Variants in DOCK10 observed in about 807,000 individuals in gnomAD.
The protein encoded by DOCK10 is dedicator of cytokinesis protein 10.
Under a neutral mutation model 280.1 loss-of-function variants are expected in DOCK10, and 145 were observed. That is an observed-to-expected ratio of 0.52 (90% CI 0.45 to 0.59). The LOEUF (loss-of-function observed/expected upper bound fraction) is 0.59. Among genes scored for constraint, DOCK10 ranks in the 20% least tolerant of loss-of-function variants. The probability of loss-of-function intolerance (pLI) is 0.00; values close to 1 mark genes in which losing one functional copy is unlikely to be tolerated. For missense variants in DOCK10, 2,368 were observed against 2,651.7 expected, an observed-to-expected ratio of 0.89 and a Z score of 2.35; for synonymous variants, 915 against 942.2, an observed-to-expected ratio of 0.97 and a Z score of 0.53.
intron 1 of DOCK10, among the ~76,000 whole-genome samples, chr2:224,948,921 T>C (rs1703576480): frequency 1.3e-5 from 2 of 152,232 alleles, no homozygotes; most frequent in Admixed American, 6.5e-5. Flanking sequence ...TCTATTCCTC[T>C]TTAGGCACCA....
At chr2:224,945,455 G>A (rs1385042427) in intron 1 of DOCK10, among the ~76,000 whole-genome samples, 1 of 152,060 alleles carries the variant, frequency 6.6e-6, no homozygotes. Context: ...GTGAACAAGG[G>A]TAGGGGCTCA....
chr2:224,848,964 T>A (rs112069816), intron 19 of DOCK10, among the ~76,000 whole-genome samples: 67 of 152,330 alleles, frequency 4.4e-4, no homozygotes, highest in African/African-American at 1.5e-3. Flanking sequence ...ATCTTTTTTT[T>A]AAATTTAAAT....
chr2:224,780,426 A>C (rs1355193692), intron 50 of DOCK10, among the ~76,000 whole-genome samples: 1 of 152,232 alleles, frequency 6.6e-6, no homozygotes, highest in Non-Finnish European at 1.5e-5. Flanking sequence ...GCTAAAGCTG[A>C]AGCAACATTT....
intron 1 of DOCK10, among the ~76,000 whole-genome samples, chr2:225,035,542 T>TTTTATA (rs1553634838): frequency 2.0e-5 from 1 of 50,016 alleles, no homozygotes; most frequent in African/African-American, 7.5e-5. Context: ...ATGATATATA[T>TTTTATA]TATATATATA....
chr2:224,773,297 A>C lies in DOCK10; in HGVS notation c.6064T>G (p.Ser2022Ala), dbSNP rs568770212. Residue 2022 changes from serine (S) to alanine (A), a missense_variant, in exon 53 of 56, where the codon TCG (serine) becomes GCG (alanine). Around this residue, in one of 2 missense-constraint regions of DOCK10, gnomAD observed 1,159 missense variants for 1,400.8 expected, o/e 0.83. Coordinates refer to ENST00000258390, the MANE Select transcript of DOCK10 (RefSeq NM_014689.3). ...VKKRIQVISQSSTELNPIEVA... is the reference protein window; with the variant it reads ...VKKRIQVISQASTELNPIEVA... ...TCAATTGGATTCAGTTCTGTGCTCG[A>C]TTGGCTAATTACTTGTATTCTCTTC... 3 of 1,613,832 alleles carry C rather than the reference A, an allele frequency of 1.9e-6. No individual in the cohort carries two copies. In the African/African-American group the frequency reaches 4.0e-5, roughly 22 times the overall value.
At chr2:224,782,908 T>C (rs1019839475) in intron 50 of DOCK10, among the ~76,000 whole-genome samples, 2 of 152,234 alleles carry the variant, frequency 1.3e-5, no homozygotes, top group Non-Finnish European at 2.9e-5. Flanking sequence ...TTTCTGACCA[T>C]GGAGATTATG....
At chr2:224,844,207 C>T (rs781217218) in intron 22 of DOCK10, among the ~76,000 whole-genome samples, 8 of 152,128 alleles carry the variant, frequency 5.3e-5, no homozygotes, top group South Asian at 2.1e-4. Context: ...CTCAGCTCAA[C>T]GCAACCTCTG....
At chr2:225,026,952 T>C (rs188077040) in intron 1 of DOCK10, among the ~76,000 whole-genome samples, 36 of 152,316 alleles carry the variant, frequency 2.4e-4, no homozygotes, top group African/African-American at 7.9e-4. Flanking sequence ...TTGAATCAAA[T>C]GCCTGTGTTA....
intron 15 of DOCK10, 22 bp downstream of exon 15, chr2:224,856,838 C>T (rs542019243): frequency 1.5e-5 from 24 of 1,579,460 alleles, no homozygotes; most frequent in Middle Eastern, 1.7e-4. Flanking sequence ...ATGTTAATTT[C>T]GAGAGTATAA....
At chr2:224,820,958 T>A (rs1405589968) in intron 28 of DOCK10, among the ~76,000 whole-genome samples, 1 of 152,206 alleles carries the variant, frequency 6.6e-6, no homozygotes, top group Non-Finnish European at 1.5e-5. Context: ...GCTACCATCT[T>A]GGTATTGTGC....
At chr2:224,876,595 A>T (rs1253840346) in intron 7 of DOCK10, among the ~76,000 whole-genome samples, 2 of 152,144 alleles carry the variant, frequency 1.3e-5, no homozygotes, top group African/African-American at 4.8e-5. Flanking sequence ...ACCCTATCGC[A>T]TCCCAGAGGC....
intron 1 of DOCK10, among the ~76,000 whole-genome samples, chr2:225,009,094 A>T (rs893305766): frequency 6.6e-6 from 1 of 152,202 alleles, no homozygotes; most frequent in Non-Finnish European, 1.5e-5. Flanking sequence ...CAACATTGGA[A>T]AGACCACATC....
At chr2:224,888,318 C>A (rs546781873) in intron 4 of DOCK10, among the ~76,000 whole-genome samples, 1 of 144,040 alleles carries the variant, frequency 6.9e-6, no homozygotes, top group Non-Finnish European at 1.5e-5. Flanking sequence ...TATGTGTGTG[C>A]GTGTGCGTGT....
At chr2:224,994,683 T>C (rs542315905) in intron 1 of DOCK10, among the ~76,000 whole-genome samples, 13 of 152,356 alleles carry the variant, frequency 8.5e-5, no homozygotes, top group Non-Finnish European at 1.3e-4. Context: ...AGACAAGATC[T>C]TCCTCTGACT....
chr2:225,039,039 C>T (rs1690340633), intron 1 of DOCK10, among the ~76,000 whole-genome samples: 1 of 152,064 alleles, frequency 6.6e-6, no homozygotes. Context: ...GTGCACAAAT[C>T]CTAAATGTAT....
chr2:224,997,316 C>A (rs991044926), intron 1 of DOCK10, among the ~76,000 whole-genome samples: 25 of 151,734 alleles, frequency 1.6e-4, no homozygotes, highest in Non-Finnish European at 2.9e-5. Context: ...ACTGCATCCT[C>A]TGCCTCCCGG....
At chr2:224,961,731 T>C (rs1323298414) in intron 1 of DOCK10, among the ~76,000 whole-genome samples, 4 of 151,914 alleles carry the variant, frequency 2.6e-5, no homozygotes, top group Non-Finnish European at 4.4e-5. Flanking sequence ...TGTCTTGATG[T>C]CTCCACCTTG....
chr2:224,852,411 T>C lies in DOCK10; in HGVS notation c.2108A>G (p.Lys703Arg), dbSNP rs763664562. Residue 703 changes from lysine (K) to arginine (R), a missense_variant, in exon 18 of 56, where the codon AAA (lysine) becomes AGA (arginine). Coordinates refer to ENST00000258390, the MANE Select transcript of DOCK10 (RefSeq NM_014689.3). ...CTTGGCACTTTCTTCATCTGAATTTTTGAATTCAATGCACACAGTTATATT... is the reference window on the plus strand; with the variant it reads ...CTTGGCACTTTCTTCATCTGAATTTCTGAATTCAATGCACACAGTTATATT... Reference protein sequence around the residue: ...ARNITVCIEFKNSDEESAKPL... With the variant: ...ARNITVCIEFRNSDEESAKPL... 2.5e-6 allele frequency: 4 copies of C among 1,571,652 alleles called. No individual in the cohort carries two copies. The highest frequency in any genetic ancestry group is 3.5e-6 in the Non-Finnish European group (4 of 1,157,224).
At chr2:225,004,049 T>C (rs1304802578) in intron 1 of DOCK10, among the ~76,000 whole-genome samples, 1 of 152,256 alleles carries the variant, frequency 6.6e-6, no homozygotes, top group Non-Finnish European at 1.5e-5. Flanking sequence ...TTTCGTTTTG[T>C]CTGTGATGTA....
Sources: allele counts gnomAD v4.1 joint callset (sites outside exome capture counted in the v4.1 genomes callset), GRCh38; gene constraint gnomAD v4.1.1; regional missense constraint gnomAD v4.1.1; transcripts MANE v1.5; gene names NCBI Gene and HGNC (gene_info 2026-07-23, HGNC 2026-07-21).